Variants in SMAP1 observed in about 807,000 individuals in gnomAD.
The protein encoded by SMAP1 is small ArfGAP 1.
In SMAP1, 24 loss-of-function variants were observed where a neutral mutation model predicts 58.5. The observed-to-expected ratio is 0.41, with a 90% CI of 0.30 to 0.58. The LOEUF is 0.58. SMAP1 is among the 20% of genes least tolerant of loss of function. The pLI, the probability that SMAP1 is intolerant of heterozygous loss-of-function variation, is 0.29. For synonymous variants in SMAP1, 216 were observed against 196.6 expected (o/e 1.10, Z -0.82); for missense variants, 563 against 566.3 (o/e 0.99, Z 0.06).
intron 4 of SMAP1, among the ~76,000 whole-genome samples, chr6:70,774,469 G>T (rs999222777): frequency 3.9e-5 from 6 of 152,030 alleles, no homozygotes; most frequent in African/African-American, 1.4e-4. Context: ...CATACAAACT[G>T]GTTTCCTATT....
At chr6:70,788,409 C>A (rs1006004846) in intron 4 of SMAP1, among the ~76,000 whole-genome samples, 1 of 151,618 alleles carries the variant, frequency 6.6e-6, no homozygotes, top group African/African-American at 2.4e-5. Context: ...ATGTAACAAA[C>A]CTGCACATTG....
At chr6:70,680,925 G>A (rs925571746) in intron 1 of SMAP1, among the ~76,000 whole-genome samples, 10 of 151,690 alleles carry the variant, frequency 6.6e-5, no homozygotes, top group African/African-American at 2.4e-4. Context: ...TGCCATGTTG[G>A]CCAGGCTGGT....
At chr6:70,671,502 G>A (rs543550051) in intron 1 of SMAP1, among the ~76,000 whole-genome samples, 5 of 152,184 alleles carry the variant, frequency 3.3e-5, no homozygotes, top group Admixed American at 1.3e-4. Flanking sequence ...CCTGGGAGGC[G>A]GAGAGGCGGA....
At chr6:70,822,734 C>T (rs1203207526) in intron 6 of SMAP1, among the ~76,000 whole-genome samples, 1 of 152,022 alleles carries the variant, frequency 6.6e-6, no homozygotes, top group African/African-American at 2.4e-5. Context: ...TCAGATATTT[C>T]TTACGTTCAG....
intron 1 of SMAP1, among the ~76,000 whole-genome samples, chr6:70,669,507 CT>C (rs1265740220): frequency 1.3e-5 from 2 of 152,170 alleles, no homozygotes; most frequent in African/African-American, 4.8e-5. Context: ...CCTATGTAAC[CT>C]TTTCAGGTGA....
intron 6 of SMAP1, among the ~76,000 whole-genome samples, chr6:70,812,572 C>T (rs917067386): frequency 3.9e-5 from 6 of 151,940 alleles, no homozygotes; most frequent in Non-Finnish European, 8.8e-5. Flanking sequence ...TATTGCAGTG[C>T]CAGAAAAACT....
intron 3 of SMAP1, among the ~76,000 whole-genome samples, chr6:70,757,406 A>C (rs575716530): frequency 0.028 from 4,150 of 150,302 alleles, 160 homozygotes; most frequent in African/African-American, 0.095. Flanking sequence ...GACCTAAAAC[A>C]ATAAAAACCC....
At chr6:70,756,803 A>G (rs943554076) in intron 3 of SMAP1, among the ~76,000 whole-genome samples, 4 of 152,166 alleles carry the variant, frequency 2.6e-5, no homozygotes, top group Non-Finnish European at 4.4e-5. Context: ...TAGGAATCCA[A>G]CTTACAAGGG....
intron 2 of SMAP1, among the ~76,000 whole-genome samples, chr6:70,743,664 A>T (rs1765903926): frequency 6.6e-6 from 1 of 152,186 alleles, no homozygotes; most frequent in African/African-American, 2.4e-5. Flanking sequence ...TTATAATTTG[A>T]TCAAGCTAAC....
chr6:70,850,798 A>G (rs1330556250), intron 7 of SMAP1, among the ~76,000 whole-genome samples: 1 of 152,136 alleles, frequency 6.6e-6, no homozygotes, highest in African/African-American at 2.4e-5. Context: ...CCTTTAAAAT[A>G]TCACTTTATT....
chr6:70,834,070 G>A (rs907638155), intron 6 of SMAP1, among the ~76,000 whole-genome samples: 4 of 152,204 alleles, frequency 2.6e-5, no homozygotes, highest in Non-Finnish European at 4.4e-5. Flanking sequence ...ATTGTTTGCA[G>A]TAGTTCTGAG....
intron 2 of SMAP1, among the ~76,000 whole-genome samples, chr6:70,752,333 A>G (rs569500706): frequency 3.3e-5 from 5 of 152,198 alleles, no homozygotes; most frequent in African/African-American, 4.8e-5. Context: ...TGAAATATCA[A>G]AATCATTGAT....
At chr6:70,793,781 G>A (rs1768474459) in intron 5 of SMAP1, among the ~76,000 whole-genome samples, 1 of 151,960 alleles carries the variant, frequency 6.6e-6, no homozygotes, top group South Asian at 2.1e-4. Context: ...GAGTGCAGTG[G>A]CGCGATCTCG....
chr6:70,860,383 T>G lies in SMAP1; in HGVS notation c.*49T>G, dbSNP rs776875226. ...AGAACTACCACCTGACATTCCTTGC[T>G]GAAACGCATCTAGTTCCCCTGTTTA... On this transcript the variant is annotated 3_prime_UTR_variant, in exon 11 of 11. Transcript: ENST00000370455. The G allele has an allele frequency of 6.4e-7, 1 of 1,568,234 alleles. No homozygotes were observed. The highest frequency in any genetic ancestry group is 1.2e-5 in the South Asian group (1 of 83,442).
intron 7 of SMAP1, among the ~76,000 whole-genome samples, chr6:70,842,925 A>G (rs1770855510): frequency 6.6e-6 from 1 of 152,142 alleles, no homozygotes; most frequent in African/African-American, 2.4e-5. Flanking sequence ...CTTGCCAGAA[A>G]ATTCCCCAGC....
At chr6:70,835,561 C>T (rs902639033) in intron 6 of SMAP1, among the ~76,000 whole-genome samples, 3 of 152,106 alleles carry the variant, frequency 2.0e-5, no homozygotes, top group Non-Finnish European at 2.9e-5. Flanking sequence ...GCTGGAACTG[C>T]GGTAGTGCAA....
chr6:70,851,683 C>T (rs905252982), intron 7 of SMAP1, among the ~76,000 whole-genome samples: 8 of 152,146 alleles, frequency 5.3e-5, no homozygotes, highest in African/African-American at 7.2e-5. Flanking sequence ...CTCCTGCCCC[C>T]AGCCCTTATA....
intron 6 of SMAP1, among the ~76,000 whole-genome samples, chr6:70,830,245 G>A (rs1022175911): frequency 1.3e-5 from 2 of 152,176 alleles, no homozygotes; most frequent in Non-Finnish European, 2.9e-5. Flanking sequence ...AGAATTTAAA[G>A]TGGAGTGAGT....
chr6:70,752,614 C>T (rs1377066747), intron 2 of SMAP1, among the ~76,000 whole-genome samples: 1 of 152,076 alleles, frequency 6.6e-6, no homozygotes, highest in Non-Finnish European at 1.5e-5. Flanking sequence ...TCCTTGAGGA[C>T]AGCTAGTTTG....
Sources: gnomAD v4.1 joint callset for allele counts (sites outside exome capture counted in the v4.1 genomes callset) on GRCh38, gnomAD v4.1.1 for gene constraint, MANE v1.5 for transcripts, NCBI Gene and HGNC (gene_info 2026-07-23, HGNC 2026-07-21) for gene names.